The following RPSA2 variants were observed in gnomAD, a reference collection of about 807,000 sequenced individuals.
RPSA2 encodes the protein small ribosomal subunit protein uS2B.
the RPSA2 span, among the ~76,000 whole-genome samples, chr19:23,828,563 T>G: frequency 2.9e-5 from 3 of 104,494 alleles, no homozygotes; most frequent in Admixed American, 3.0e-4. Context: ...TTTCAGTTTT[T>G]TTTTTTTGCT....
the RPSA2 span, among the ~76,000 whole-genome samples, chr19:23,788,591 C>T: frequency 2.0e-5 from 3 of 152,064 alleles, no homozygotes; most frequent in African/African-American, 7.2e-5. Flanking sequence ...TATGAAATAC[C>T]TTTTCATTCA....
At chr19:23,791,722 A>G in the RPSA2 span, among the ~76,000 whole-genome samples, 8 of 151,442 alleles carry the variant, frequency 5.3e-5, no homozygotes, top group South Asian at 1.3e-3. Flanking sequence ...TTTTTATATT[A>G]TTTTAATCTT....
chr19:23,861,459 C>CT, the RPSA2 span, among the ~76,000 whole-genome samples: 3 of 152,102 alleles, frequency 2.0e-5, no homozygotes, highest in Non-Finnish European at 4.4e-5. Context: ...TCTAGCATAT[C>CT]TCCCCCCATG....
chr19:23,806,602 G>T, the RPSA2 span, among the ~76,000 whole-genome samples: 13 of 151,614 alleles, frequency 8.6e-5, no homozygotes, highest in African/African-American at 2.9e-4. Context: ...TGGCTACCAC[G>T]GTGAAACCCC....
At chr19:23,831,933 C>A in the RPSA2 span, 2 of 308,288 alleles carry the variant, frequency 6.5e-6, no homozygotes, top group Non-Finnish European at 1.4e-5. Context: ...CACACAAAAC[C>A]CAACATAAAA....
At chr19:23,759,094 G>A in the RPSA2 span, among the ~76,000 whole-genome samples, 3 of 152,142 alleles carry the variant, frequency 2.0e-5, no homozygotes, top group African/African-American at 7.2e-5. Flanking sequence ...CTCCCTCCCT[G>A]AGCTAAGCCA....
chr19:23,797,694 C>G, the RPSA2 span, among the ~76,000 whole-genome samples: 2 of 152,154 alleles, frequency 1.3e-5, no homozygotes, highest in African/African-American at 4.8e-5. Context: ...TAGTCTCCCA[C>G]TATTGTTGTG....
chr19:23,803,233 T>C, the RPSA2 span, among the ~76,000 whole-genome samples: 3 of 152,202 alleles, frequency 2.0e-5, no homozygotes, highest in African/African-American at 7.2e-5. Flanking sequence ...AGACCTTATT[T>C]AGGTGTGGCC....
At chr19:23,838,778 G>A in the RPSA2 span, among the ~76,000 whole-genome samples, 2 of 151,698 alleles carry the variant, frequency 1.3e-5, no homozygotes, top group African/African-American at 4.8e-5. Flanking sequence ...GTATTTCAGT[G>A]GTGTCAGTTA....
At chr19:23,870,124 C>T in the RPSA2 span, among the ~76,000 whole-genome samples, 1 of 152,142 alleles carries the variant, frequency 6.6e-6, no homozygotes, top group African/African-American at 2.4e-5. Context: ...TCTAACTAAA[C>T]TTACTCATCA....
chr19:23,804,584 C>A, the RPSA2 span, among the ~76,000 whole-genome samples: 1 of 151,750 alleles, frequency 6.6e-6, no homozygotes, highest in South Asian at 2.1e-4. Flanking sequence ...CGTGAGCCAC[C>A]GCGTCCGGCC....
the RPSA2 span, among the ~76,000 whole-genome samples, chr19:23,860,836 C>G: frequency 6.6e-6 from 1 of 152,106 alleles, no homozygotes; most frequent in South Asian, 2.1e-4. Flanking sequence ...TCCTTATCCA[C>G]AAATAGAAGA....
chr19:23,796,238 T>G, the RPSA2 span, among the ~76,000 whole-genome samples: 6 of 152,246 alleles, frequency 3.9e-5, no homozygotes, highest in African/African-American at 1.2e-4. Flanking sequence ...TTTCTGTCTT[T>G]AGTTCTGTTT....
the RPSA2 span, among the ~76,000 whole-genome samples, chr19:23,855,610 AG>A: frequency 5.3e-5 from 8 of 152,196 alleles, no homozygotes; most frequent in Non-Finnish European, 1.0e-4. Flanking sequence ...TGACAGGAAA[AG>A]CATGTGTAGA....
chr19:23,849,591 G>A, the RPSA2 span, among the ~76,000 whole-genome samples: 1 of 152,160 alleles, frequency 6.6e-6, no homozygotes, highest in African/African-American at 2.4e-5. Flanking sequence ...GAGGCCTCAG[G>A]TGGGTAATGC....
chr19:23,788,197 A>T, the RPSA2 span, among the ~76,000 whole-genome samples: 17 of 151,974 alleles, frequency 1.1e-4, no homozygotes, highest in African/African-American at 3.6e-4. Flanking sequence ...TGTCATGCCA[A>T]GGCCTTGCCT....
the RPSA2 span, among the ~76,000 whole-genome samples, chr19:23,830,160 AGACTAAAC>A: frequency 1.3e-5 from 2 of 150,606 alleles, no homozygotes; most frequent in East Asian, 3.9e-4. Flanking sequence ...TCTTTTTTTG[AGACTAAAC>A]GTCTCTCTAT....
the RPSA2 span, among the ~76,000 whole-genome samples, chr19:23,794,878 GTT>G: frequency 2.3e-3 from 344 of 152,224 alleles, no homozygotes; most frequent in Non-Finnish European, 3.7e-3. Flanking sequence ...GTGTAATAAA[GTT>G]TCAGTCTTCT....
the RPSA2 span, chr19:23,831,826 A>G: frequency 1.3e-5 from 4 of 300,980 alleles, no homozygotes; most frequent in Non-Finnish European, 2.8e-5. Context: ...AATGTTTGAA[A>G]GTCCTTTATA....
Sources: gnomAD v4.1 joint callset for allele counts (sites outside exome capture counted in the v4.1 genomes callset) on GRCh38, gnomAD v4.1.1 for gene constraint, MANE v1.5 for transcripts, NCBI Gene and HGNC (gene_info 2026-07-23, HGNC 2026-07-21) for gene names.